The following ZNF507 variants were observed in gnomAD, a reference collection of about 807,000 sequenced individuals.
ZNF507 encodes zinc finger protein 507.
In ZNF507, 29 loss-of-function variants were observed where a neutral mutation model predicts 80.0. That is an observed-to-expected ratio of 0.36 (90% CI 0.27 to 0.49). ZNF507 has a LOEUF of 0.49. ZNF507 is among the 20% of genes least tolerant of loss of function. The pLI, the probability that ZNF507 is intolerant of heterozygous loss-of-function variation, is 0.98. For synonymous variants in ZNF507, 462 were observed against 422.5 expected (o/e 1.09, Z -1.15); for missense variants, 1,081 against 1,152.2 (o/e 0.94, Z 0.90).
Position 32,383,292 on chromosome 19 carries a change from G to A in ZNF507, c.*209G>A. On this transcript the variant is annotated 3_prime_UTR_variant, in exon 7 of 7. Transcript: ENST00000355898. ...GATATTTAAATATTTTGAGTGAGGG[G>A]GAGTGGGTCAAAGAGGAAGTAGAGG... is the stretch of plus-strand genomic sequence containing the variant. 2 of 603,478 alleles carry A rather than the reference G, an allele frequency of 3.3e-6. No individual in the cohort carries two copies. Among genetic ancestry groups the A allele is most frequent in the Non-Finnish European group, 5.6e-6 (2 of 360,000 alleles). 37.4% of individuals were successfully genotyped at this position (603,478 alleles called of 1,614,324 possible). A position where few individuals can be genotyped will look rare whatever the true frequency, so the allele number is the denominator to read the frequency against.
At chr19:32,347,166 GC>G in intron 1 of ZNF507, 78 bp from the exon 2 acceptor site, 1 of 151,488 alleles carries the variant, frequency 6.6e-6, no homozygotes, top group East Asian at 1.9e-4. Context: ...ATTTTTCACT[GC>G]CAAAAAAAAA....
intron 5 of ZNF507, among the ~76,000 whole-genome samples, chr19:32,381,768 T>C (rs752356865): frequency 7.2e-5 from 11 of 152,128 alleles, no homozygotes; most frequent in Non-Finnish European, 1.5e-4. Flanking sequence ...ATGGGAGGAA[T>C]TGGGTGCAGG....
chr19:32,368,671 A>AAT (rs1024291262), intron 5 of ZNF507, among the ~76,000 whole-genome samples: 2 of 152,200 alleles, frequency 1.3e-5, no homozygotes, highest in African/African-American at 4.8e-5. Context: ...AGGAGGAAAA[A>AAT]ATATATATTT....
chr19:32,380,281 A>C (rs750412320), intron 5 of ZNF507, among the ~76,000 whole-genome samples: 6 of 152,138 alleles, frequency 3.9e-5, no homozygotes, highest in Admixed American at 3.9e-4. Flanking sequence ...ACTTGAGTCC[A>C]GGAGGCCAAG....
chr19:32,363,137 A>G (rs1226022802), intron 5 of ZNF507, among the ~76,000 whole-genome samples: 1 of 152,168 alleles, frequency 6.6e-6, no homozygotes, highest in Non-Finnish European at 1.5e-5. Context: ...TCTCTGGCTC[A>G]TTTCATGTCT....
intron 5 of ZNF507, 139 bp from the exon 6 acceptor site, chr19:32,382,328 A>C: frequency 9.3e-7 from 1 of 1,076,914 alleles, no homozygotes; most frequent in Non-Finnish European, 1.3e-6. Flanking sequence ...TAGAATCAGT[A>C]ACATCTTAGA....
chr19:32,372,516 C>T (rs1158316902), intron 5 of ZNF507, among the ~76,000 whole-genome samples: 1 of 151,802 alleles, frequency 6.6e-6, no homozygotes, highest in Non-Finnish European at 1.5e-5. Flanking sequence ...TTCTGCAGGC[C>T]GAAAAGTTTG....
intron 2 of ZNF507, among the ~76,000 whole-genome samples, chr19:32,348,534 A>T (rs1406220401): frequency 6.6e-6 from 1 of 152,234 alleles, no homozygotes; most frequent in Admixed American, 6.5e-5. Flanking sequence ...AAATAAAGAC[A>T]ACTGAAATAA....
chr19:32,367,221 AACAG>A (rs770303552), intron 5 of ZNF507, among the ~76,000 whole-genome samples: 1 of 152,182 alleles, frequency 6.6e-6, no homozygotes, highest in Non-Finnish European at 1.5e-5. Context: ...ATCTTGCAGT[AACAG>A]ACAGAGAACT....
chr19:32,377,185 T>G (rs565489686), intron 5 of ZNF507, among the ~76,000 whole-genome samples: 1 of 151,932 alleles, frequency 6.6e-6, no homozygotes, highest in Non-Finnish European at 1.5e-5. Context: ...AAAGGGAGAC[T>G]CTCTTTCCCA....
At chr19:32,376,659 G>A (rs1224919546) in intron 5 of ZNF507, among the ~76,000 whole-genome samples, 3 of 152,188 alleles carry the variant, frequency 2.0e-5, no homozygotes, top group South Asian at 2.1e-4. Flanking sequence ...GTGCAGAGAC[G>A]AGAGATTGTA....
intron 5 of ZNF507, among the ~76,000 whole-genome samples, chr19:32,371,501 G>A (rs557222444): frequency 7.4e-5 from 11 of 149,522 alleles, no homozygotes; most frequent in South Asian, 4.3e-4. Context: ...AAAAATGACT[G>A]TGCCCGTCAG....
Position 32,353,232 on chromosome 19 carries a change from A to G in ZNF507, c.402A>G (p.Ser134=), listed in dbSNP as rs1231072793. The change falls in exon 3 of 7, where the codon TCA becomes TCG. Residue 134 remains serine (S), a synonymous_variant. Coordinates refer to ENST00000355898, the MANE Select transcript of ZNF507 (RefSeq NM_001136156.2). Reference sequence around the variant, plus strand: ...AGTGTAGCCTTTGTAAGTTTCTATCATCATCCTTTTCCGTGTTAAAAGATC... The same window carrying G: ...AGTGTAGCCTTTGTAAGTTTCTATCGTCATCCTTTTCCGTGTTAAAAGATC... ...SYQCSLCKFL[S]SSFSVLKDHI... is the part of the protein sequence containing the mutation. The G allele has an allele frequency of 1.2e-6, 2 of 1,614,230 alleles. No homozygotes were observed. Among genetic ancestry groups the G allele is most frequent in the Admixed American group, 1.7e-5 (1 of 60,024 alleles).
intron 3 of ZNF507, among the ~76,000 whole-genome samples, chr19:32,355,987 A>C (rs1201517305): frequency 6.6e-6 from 1 of 152,160 alleles, no homozygotes; most frequent in Non-Finnish European, 1.5e-5. Context: ...CAACAGAGCG[A>C]GACTCCATCT....
chr19:32,369,001 C>T (rs1967435280), intron 5 of ZNF507, among the ~76,000 whole-genome samples: 1 of 152,206 alleles, frequency 6.6e-6, no homozygotes, highest in African/African-American at 2.4e-5. Context: ...TTTAAACCAA[C>T]ATCCTTATCT....
chr19:32,373,464 GTGCTTGCCTTCTCAT>G (rs1967501946), intron 5 of ZNF507, among the ~76,000 whole-genome samples: 2 of 152,246 alleles, frequency 1.3e-5, no homozygotes, highest in Non-Finnish European at 2.9e-5. Context: ...GGTTTGAACA[GTGCTTGCCTTCTCAT>G]TGTATCCTTT....
chr19:32,351,757 C>T (rs1305386756), intron 2 of ZNF507, among the ~76,000 whole-genome samples: 1 of 151,946 alleles, frequency 6.6e-6, no homozygotes, highest in African/African-American at 2.4e-5. Context: ...TTCCAGAATG[C>T]ACCTAAAATG....
rs1241336956 is a variant in ZNF507, at chr19:32,386,726, G to A, written c.*3643G>A. The A allele has an allele frequency of 1.3e-5, 2 of 152,642 alleles. No homozygotes were observed. Among genetic ancestry groups the A allele is most frequent in the Non-Finnish European group, 2.9e-5 (2 of 68,040 alleles). The allele number at this position is 152,642 out of a possible 1,614,324, so 9.5% of individuals were successfully genotyped here. ...TGTTCAGAACAGTGAGGCAAGGTCT[G>A]TAGTGCTTCTTTAACTACCTTTGGA... On this transcript the variant is annotated 3_prime_UTR_variant, in exon 7 of 7. Transcript: ENST00000355898.
At chr19:32,382,110 A>G (rs1040779338) in intron 5 of ZNF507, 6 of 176,544 alleles carry the variant, frequency 3.4e-5, no homozygotes, top group Middle Eastern at 2.4e-3. Context: ...CAAAGTATTA[A>G]TTGTGTAAGT....
Sources: gnomAD v4.1 joint callset for allele counts (sites outside exome capture counted in the v4.1 genomes callset) on GRCh38, gnomAD v4.1.1 for gene constraint, MANE v1.5 for transcripts, NCBI Gene and HGNC (gene_info 2026-07-23, HGNC 2026-07-21) for gene names.